Variants in HDAC9 observed in about 807,000 individuals in gnomAD.
The protein encoded by HDAC9 is histone deacetylase 9, also known as MEF-2 interacting transcription repressor (MITR) protein.
In HDAC9, 41 loss-of-function variants were observed where a neutral mutation model predicts 139.4. The ratio of observed to expected loss-of-function variants is 0.29; its 90% CI spans 0.23 to 0.38. The LOEUF is 0.38. Ranked by LOEUF, HDAC9 falls within the 10% of genes least tolerant of loss-of-function variation. The pLI is 1.00. For missense variants in HDAC9, 1,147 were observed against 1,297.0 expected, an observed-to-expected ratio of 0.88 and a Z score of 1.78; for synonymous variants, 517 against 476.2, an observed-to-expected ratio of 1.09 and a Z score of -1.12.
chr7:18,235,607 T>G (rs1168315279), intron 2 of HDAC9, among the ~76,000 whole-genome samples: 1 of 152,258 alleles, frequency 6.6e-6, no homozygotes, highest in Non-Finnish European at 1.5e-5. Flanking sequence ...CTTAGGCTGA[T>G]TGGAAGTTAT....
rs143679879 is a variant in HDAC9 at position 18,223,568 on chromosome 7, A to G, written c.25+61219A>G. 2.5e-4 allele frequency among the ~76,000 whole-genome samples: 38 copies of G among 152,236 alleles called. No homozygotes were observed. The East Asian group carries it at 4.1e-3, about 16-fold the overall frequency. Reference sequence around the variant, plus strand: ...ATAACACAAATACAGGCAGTCAGATATCTCCCTAGGCCCAAGATTATTAAT... The same window carrying G: ...ATAACACAAATACAGGCAGTCAGATGTCTCCCTAGGCCCAAGATTATTAAT... On this transcript the variant is annotated intron_variant, in intron 2 of 12. Coordinates refer to the HDAC9 transcript ENST00000417496.
intron 14 of HDAC9, among the ~76,000 whole-genome samples, chr7:18,756,408 T>C (rs560424355): frequency 6.6e-6 from 1 of 152,334 alleles, no homozygotes; most frequent in African/African-American, 2.4e-5. Context: ...AATTCTCTTA[T>C]TTTTCAATTA....
chr7:18,249,339 C>T (rs1025752082), intron 2 of HDAC9, among the ~76,000 whole-genome samples: 3 of 151,596 alleles, frequency 2.0e-5, no homozygotes, highest in Admixed American at 2.0e-4. Flanking sequence ...CCTGTCTCTA[C>T]TCAAAATACA....
At chr7:18,988,856 G>C (rs1218470775) in intron 25 of HDAC9, among the ~76,000 whole-genome samples, 1 of 150,990 alleles carries the variant, frequency 6.6e-6, no homozygotes, top group African/African-American at 2.4e-5. Flanking sequence ...TTGGTTTAAA[G>C]TCTCTTTTAT....
chr7:18,935,894 C>T lies in HDAC9; in HGVS notation c.2889C>T (p.Ala963=), dbSNP rs534633020. ...LALEGGHDLT[A]ICDASEACVN... ...TAGAAGGAGGACATGATCTCACAGC[C>T]ATCTGTGATGCATCAGAAGCCTGTG... The change falls in exon 23 of 26, where the codon GCC becomes GCT. Residue 963 remains alanine, a synonymous_variant. Transcript: ENST00000686413. The T allele has an allele frequency of 1.2e-6, 2 of 1,613,332 alleles. No homozygotes were observed. The highest frequency in any genetic ancestry group is 1.7e-6 in the Non-Finnish European group (2 of 1,179,514).
chr7:18,949,807 A>C (rs1782667153), intron 23 of HDAC9: 1 of 152,078 alleles, frequency 6.6e-6, no homozygotes, highest in Admixed American at 6.6e-5. Flanking sequence ...AATGGAGATA[A>C]ATGACTCCTA....
At chr7:18,980,715 CTCTTCT>C (rs756067173) in intron 25 of HDAC9, among the ~76,000 whole-genome samples, 1 of 133,466 alleles carries the variant, frequency 7.5e-6, no homozygotes, top group Non-Finnish European at 1.6e-5. Context: ...TTCCTTCTTC[CTCTTCT>C]TCTTCCTTCT....
chr7:18,916,076 C>T (rs1458767419), intron 22 of HDAC9, among the ~76,000 whole-genome samples: 1 of 150,730 alleles, frequency 6.6e-6, no homozygotes, highest in Admixed American at 6.6e-5. Context: ...TAGGCCATAC[C>T]CAAACACCTG....
At chr7:18,130,483 A>G (rs1784932528) in intron 1 of HDAC9, among the ~76,000 whole-genome samples, 1 of 152,054 alleles carries the variant, frequency 6.6e-6, no homozygotes, top group African/African-American at 2.4e-5. Flanking sequence ...ACATCCTCAT[A>G]TGCCTCCTTT....
At chr7:18,711,586 G>A (rs1359375412) in intron 12 of HDAC9, among the ~76,000 whole-genome samples, 1 of 152,146 alleles carries the variant, frequency 6.6e-6, no homozygotes, top group African/African-American at 2.4e-5. Context: ...ACCAGCTGTG[G>A]TCTGCCACAC....
chr7:18,185,949 A>G (rs1256860192), intron 2 of HDAC9, among the ~76,000 whole-genome samples: 2 of 152,170 alleles, frequency 1.3e-5, no homozygotes, highest in African/African-American at 4.8e-5. Context: ...GGGATATCAC[A>G]TATTGCTGAA....
chr7:18,841,721 C>A (rs1490776103), intron 21 of HDAC9, among the ~76,000 whole-genome samples: 1 of 152,088 alleles, frequency 6.6e-6, no homozygotes, highest in Non-Finnish European at 1.5e-5. Flanking sequence ...GTCTATTTAA[C>A]TTTGGCTTGG....
At chr7:18,398,461 G>C (rs986924671) in intron 1 of HDAC9, among the ~76,000 whole-genome samples, 1 of 151,902 alleles carries the variant, frequency 6.6e-6, no homozygotes, top group Non-Finnish European at 1.5e-5. Flanking sequence ...AGTTGAGTTT[G>C]TTTATTTTTG....
chr7:18,823,237 C>G (rs1470024955), intron 17 of HDAC9, among the ~76,000 whole-genome samples: 2 of 151,972 alleles, frequency 1.3e-5, no homozygotes, highest in East Asian at 3.9e-4. Flanking sequence ...CTGCTACTAT[C>G]TAGTGAAATA....
intron 1 of HDAC9, among the ~76,000 whole-genome samples, chr7:18,393,377 G>A (rs750747400): frequency 2.0e-5 from 3 of 152,102 alleles, no homozygotes; most frequent in Non-Finnish European, 2.9e-5. Flanking sequence ...GATTAGACCT[G>A]GATAGTAAAG....
At chr7:18,984,488 T>C (rs780798807) in intron 25 of HDAC9, among the ~76,000 whole-genome samples, 1 of 152,048 alleles carries the variant, frequency 6.6e-6, no homozygotes, top group Admixed American at 6.6e-5. Flanking sequence ...GTCTATACAT[T>C]GAACAGAGAG....
intron 2 of HDAC9, among the ~76,000 whole-genome samples, chr7:18,248,791 A>G (rs1794728403): frequency 6.6e-6 from 1 of 152,216 alleles, no homozygotes; most frequent in African/African-American, 2.4e-5. Context: ...GTATTATGCT[A>G]AATTCTGTGG....
At chr7:18,375,551 C>CT (rs1784932224) in intron 1 of HDAC9, among the ~76,000 whole-genome samples, 1 of 151,990 alleles carries the variant, frequency 6.6e-6, no homozygotes, top group Non-Finnish European at 1.5e-5. Flanking sequence ...CTAAGTTGTC[C>CT]TTTCCTTTTC....
rs371466677 is a variant in HDAC9, at chr7:18,841,423, C to T, written c.2684+5426C>T. Among the ~76,000 whole-genome samples, 74 of 151,832 alleles carry T rather than the reference C, an allele frequency of 4.9e-4. 1 individual carries two copies. The highest frequency in any genetic ancestry group is 1.9e-3 in the East Asian group (10 of 5,192). ...TAATAACACAGTAATATAGAGTATT[C>T]GTTGAGGCTTTAATTTTTGCTAGTT... On this transcript the variant is annotated intron_variant, in intron 21 of 25. Coordinates refer to ENST00000686413, the MANE Select transcript of HDAC9 (RefSeq NM_178425.4).
Sources: gnomAD v4.1 joint callset for allele counts (sites outside exome capture counted in the v4.1 genomes callset) on GRCh38, gnomAD v4.1.1 for gene constraint, MANE v1.5 for transcripts, NCBI Gene and HGNC (gene_info 2026-07-23, HGNC 2026-07-21) for gene names.